Variants in ZCCHC14 observed in about 807,000 individuals in gnomAD.
ZCCHC14 encodes the protein zinc finger CCHC-type containing 14.
Under a neutral mutation model 85.0 loss-of-function variants are expected in ZCCHC14, and 16 were observed. The observed-to-expected ratio is 0.19, with a 90% CI of 0.13 to 0.29. The LOEUF is 0.29. Ranked by LOEUF, ZCCHC14 falls within the 10% of genes least tolerant of loss-of-function variation. The pLI, the probability that ZCCHC14 is intolerant of heterozygous loss-of-function variation, is 1.00. For missense variants in ZCCHC14, 1,303 were observed against 1,443.5 expected, an observed-to-expected ratio of 0.90 and a Z score of 1.58; for synonymous variants, 775 against 630.7, an observed-to-expected ratio of 1.23 and a Z score of -3.43.
chr16:87,415,540 A>T (rs1277500747), intron 8 of ZCCHC14, among the ~76,000 whole-genome samples, 173 bp from the exon 9 acceptor site: 1 of 152,216 alleles, frequency 6.6e-6, no homozygotes, highest in Non-Finnish European at 1.5e-5. Flanking sequence ...TTGCTAAATG[A>T]CTTGGTGTCA....
chr16:87,464,217 G>T (rs897042112), intron 1 of ZCCHC14, among the ~76,000 whole-genome samples: 1 of 152,222 alleles, frequency 6.6e-6, no homozygotes, highest in Non-Finnish European at 1.5e-5. Flanking sequence ...CAGCCTTGGA[G>T]AGAAGGAGAG....
At chr16:87,441,026 T>C (rs1450923912) in intron 2 of ZCCHC14, among the ~76,000 whole-genome samples, 6 of 148,520 alleles carry the variant, frequency 4.0e-5, no homozygotes, top group Non-Finnish European at 7.5e-5. Context: ...TTTTTGGAGA[T>C]AGAGTTTCGC....
At chr16:87,452,512 G>A (rs761264004) in intron 2 of ZCCHC14, among the ~76,000 whole-genome samples, 1 of 152,104 alleles carries the variant, frequency 6.6e-6, no homozygotes, top group South Asian at 2.1e-4. Flanking sequence ...GGGTACAGAA[G>A]AGCGCTATCG....
chr16:87,467,137 G>A (rs141598804), intron 1 of ZCCHC14: 3 of 1,003,356 alleles, frequency 3.0e-6, no homozygotes, highest in African/African-American at 3.3e-5. Flanking sequence ...TCCTCCACCA[G>A]ATCAGACCTG....
At chr16:87,459,904 T>C in intron 2 of ZCCHC14, 104 bp downstream of exon 2, 1 of 1,517,744 alleles carries the variant, frequency 6.6e-7, no homozygotes. Context: ...AAGATTGGCA[T>C]TTATGAAAGA....
intron 4 of ZCCHC14, among the ~76,000 whole-genome samples, chr16:87,422,454 G>T (rs1403697134): frequency 5.3e-5 from 8 of 152,076 alleles, no homozygotes; most frequent in Non-Finnish European, 1.0e-4. Flanking sequence ...GCCAGGTGCA[G>T]TGGCTCACAC....
rs1231235003 is a variant in ZCCHC14, at chr16:87,412,720, C to G, written c.2001G>C (p.Val667=). ...SADMKLLSSS[V]HSLLSLEERN... is the part of the protein sequence containing the mutation. ...TTTCTTCTAGAGACAAAAGTGAGTG[C>G]ACAGAAGACGAGAGGAGCTTCATGT... The change falls in exon 12 of 13, where the codon GTG becomes GTC. Residue 667 remains valine (V), a synonymous_variant. Coordinates refer to ENST00000671377, the MANE Select transcript of ZCCHC14 (RefSeq NM_015144.3). The G allele has an allele frequency of 6.2e-7, 1 of 1,614,106 alleles. No homozygotes were observed. The highest frequency in any genetic ancestry group is 8.5e-7 in the Non-Finnish European group (1 of 1,180,050).
At chr16:87,450,289 C>T (rs576075501) in intron 2 of ZCCHC14, among the ~76,000 whole-genome samples, 2 of 152,328 alleles carry the variant, frequency 1.3e-5, no homozygotes, top group South Asian at 4.1e-4. Context: ...GACTTTCTCA[C>T]TTTCATTTGC....
chr16:87,443,619 C>T (rs1214432970), intron 2 of ZCCHC14, among the ~76,000 whole-genome samples: 1 of 152,120 alleles, frequency 6.6e-6, no homozygotes, highest in Non-Finnish European at 1.5e-5. Context: ...CACCTGTAGC[C>T]CCAGCTACTC....
chr16:87,440,380 G>T (rs1028043269), intron 2 of ZCCHC14, among the ~76,000 whole-genome samples: 1 of 152,062 alleles, frequency 6.6e-6, no homozygotes, highest in Non-Finnish European at 1.5e-5. Flanking sequence ...GGTCAGGCTG[G>T]TCTCGAACTC....
chr16:87,488,848 G>A (rs543526358), intron 1 of ZCCHC14, among the ~76,000 whole-genome samples: 1 of 152,190 alleles, frequency 6.6e-6, no homozygotes, highest in Non-Finnish European at 1.5e-5. Flanking sequence ...AAACTTCCGG[G>A]ACTACAGGCG....
chr16:87,423,536 T>C (rs1418192973), intron 4 of ZCCHC14, among the ~76,000 whole-genome samples: 4 of 152,156 alleles, frequency 2.6e-5, no homozygotes, highest in Admixed American at 6.5e-5. Context: ...AGAAACCAAA[T>C]GTCCTCATCA....
Position 87,420,796 on chromosome 16 carries a change from G to A in ZCCHC14, c.841-80C>T. The A allele has an allele frequency of 8.0e-7, 1 of 1,247,840 alleles. No homozygotes were observed. Among genetic ancestry groups the A allele is most frequent in the Non-Finnish European group, 1.1e-6 (1 of 895,930 alleles). 77.3% of individuals were successfully genotyped at this position (1,247,840 alleles called of 1,614,324 possible). A position where few individuals can be genotyped will look rare whatever the true frequency, so the allele number is the denominator to read the frequency against. ...GAATTCTGCTACTGCAGGAAAACCTGGGGCAGGTGCTCCATGGTGCCGCCT... is the reference window on the plus strand; with the variant it reads ...GAATTCTGCTACTGCAGGAAAACCTAGGGCAGGTGCTCCATGGTGCCGCCT... On this transcript the variant is annotated intron_variant, in intron 4 of 12. Coordinates refer to ENST00000671377, the MANE Select transcript of ZCCHC14 (RefSeq NM_015144.3). This position sits in a 1 kb window ranked among gnomAD's most constrained non-coding sequence, Gnocchi z 5.0.
intron 3 of ZCCHC14, among the ~76,000 whole-genome samples, chr16:87,426,552 C>A (rs559737798): frequency 3.5e-4 from 53 of 152,302 alleles, no homozygotes; most frequent in African/African-American, 1.2e-3. Context: ...TCACTGTGGA[C>A]TGGCTCTGAA....
intron 1 of ZCCHC14, among the ~76,000 whole-genome samples, chr16:87,476,241 G>A (rs1181229125): frequency 1.3e-5 from 2 of 152,170 alleles, no homozygotes; most frequent in Non-Finnish European, 2.9e-5. Context: ...CAGACTGAAA[G>A]GATATGGTAA....
At chr16:87,431,486 AAAAAAGAAAAG>A (rs1909659975) in intron 3 of ZCCHC14, among the ~76,000 whole-genome samples, 1 of 151,688 alleles carries the variant, frequency 6.6e-6, no homozygotes. Flanking sequence ...AAAAAAAAAA[AAAAAAGAAAAG>A]AAAAGAGAAA....
At chr16:87,487,320 C>A (rs1469569904) in intron 1 of ZCCHC14, among the ~76,000 whole-genome samples, 1 of 152,202 alleles carries the variant, frequency 6.6e-6, no homozygotes, top group Non-Finnish European at 1.5e-5. Context: ...AAAAAATCAG[C>A]CCCATGAAGC....
At chr16:87,477,521 T>C (rs1477752741) in intron 1 of ZCCHC14, among the ~76,000 whole-genome samples, 3 of 152,246 alleles carry the variant, frequency 2.0e-5, no homozygotes, top group Non-Finnish European at 4.4e-5. Flanking sequence ...CCTCAGGTTC[T>C]TCCTCTCACT....
At chr16:87,462,994 G>A (rs1053874353) in intron 1 of ZCCHC14, among the ~76,000 whole-genome samples, 10 of 152,120 alleles carry the variant, frequency 6.6e-5, no homozygotes, top group Non-Finnish European at 1.2e-4. Flanking sequence ...CTTGAACCCC[G>A]GAGTTGGAGG....
Sources: gnomAD v4.1 joint callset for allele counts (sites outside exome capture counted in the v4.1 genomes callset) on GRCh38, gnomAD v4.1.1 for gene constraint, Gnocchi (gnomAD v3.1) non-coding constraint, MANE v1.5 for transcripts, NCBI Gene and HGNC (gene_info 2026-07-23, HGNC 2026-07-21) for gene names.